The following AVEN variants were observed in gnomAD, a reference collection of about 807,000 sequenced individuals.
AVEN encodes the protein cell death regulator Aven.
Under a neutral mutation model 38.1 loss-of-function variants are expected in AVEN, and 41 were observed. The observed-to-expected ratio is 1.08, with a 90% CI of 0.84 to 1.40. The LOEUF is 1.40. Ranked by LOEUF, AVEN falls within the 40% of genes most tolerant of loss-of-function variation. AVEN has a pLI of 0.00. For synonymous variants in AVEN, 206 were observed against 171.8 expected, an observed-to-expected ratio of 1.20 and a Z score of -1.56; for missense variants, 605 against 438.8, an observed-to-expected ratio of 1.38 and a Z score of -3.38.
At position 34,038,649 on chromosome 15, in the gene AVEN, C is replaced by CGCGCAG. The variant is rs555781217; in HGVS notation, c.267+125_267+130dup. 350 of 845,566 alleles carry CGCGCAG rather than the reference C, an allele frequency of 4.1e-4. 9 individuals carry two copies. The South Asian group carries it at 0.017, about 40-fold the overall frequency. The allele number at this position is 845,566 out of a possible 1,614,324, so 52.4% of individuals were successfully genotyped here. Reference sequence around the variant, plus strand: ...CCCCCGCGCCACCATCCGCCCGTCCCGCGCAGGCGCCGGCGCCGCCGCCCG... The same window carrying CGCGCAG: ...CCCCCGCGCCACCATCCGCCCGTCCCGCGCAGGCGCAGGCGCCGGCGCCGCCGCCCG... On this transcript the variant is annotated intron_variant, in intron 1 of 5. Coordinates refer to ENST00000306730, the MANE Select transcript of AVEN (RefSeq NM_020371.3).
chr15:33,959,761 A>G (rs1440104418), intron 2 of AVEN, among the ~76,000 whole-genome samples: 1 of 136,240 alleles, frequency 7.3e-6, no homozygotes, highest in African/African-American at 3.4e-5. Flanking sequence ...TCTACCCTGG[A>G]GAAACGTTTA....
the AVEN span, chr15:33,853,097 G>C: frequency 5.1e-6 from 8 of 1,583,658 alleles, no homozygotes. Flanking sequence ...GGTATGCCTT[G>C]TTAGTGGGGG....
chr15:33,975,443 G>A (rs1426835093), intron 2 of AVEN, among the ~76,000 whole-genome samples: 2 of 152,156 alleles, frequency 1.3e-5, no homozygotes, highest in Non-Finnish European at 2.9e-5. Context: ...TAAGACCTAG[G>A]ATTCAAATAA....
intron 1 of AVEN, among the ~76,000 whole-genome samples, chr15:34,030,622 C>T (rs138640913): frequency 1.3e-5 from 2 of 151,822 alleles, no homozygotes; most frequent in South Asian, 4.2e-4. Flanking sequence ...GCCACCACGC[C>T]CAGCCTGGTT....
intron 2 of AVEN, among the ~76,000 whole-genome samples, chr15:33,971,636 A>T (rs115142526): frequency 6.6e-6 from 1 of 152,156 alleles, no homozygotes; most frequent in Non-Finnish European, 1.5e-5. Flanking sequence ...TTAAAGGGAC[A>T]TTGCATAATA....
rs1001348059 is a variant in AVEN, at chr15:33,905,479, C to A, written c.446-29484G>T. ...AGTCCAGCCCTCACAATCTGCCTAT[C>A]CCTCAATGCCAAACCAAACTAATCT... On this transcript the variant is annotated intron_variant, in intron 2 of 5. Transcript: ENST00000306730. Among the ~76,000 whole-genome samples the A allele has an allele frequency of 4.6e-5, 7 of 152,334 alleles. No homozygotes were observed. In the East Asian group the frequency reaches 1.3e-3, roughly 29 times the overall value.
Position 33,871,000 on chromosome 15 carries a change from A to ATAAC in AVEN, c.543_546dup (p.Leu183ValfsTer39). The ATAAC allele has an allele frequency of 2.5e-6, 4 of 1,606,790 alleles. No individual in the cohort carries two copies. Among genetic ancestry groups the ATAAC allele is most frequent in the Non-Finnish European group, 3.4e-6 (4 of 1,175,638 alleles). On this transcript the variant is annotated frameshift_variant, in exon 4 of 6. Transcript: ENST00000306730. LOFTEE classifies it high-confidence loss of function. ...GGCAGCTCTTGAAGGGCTCGAACCA[A>ATAAC]TAACTCACTATCCACATAAAATGCT... is the stretch of plus-strand genomic sequence containing the variant.
intron 2 of AVEN, among the ~76,000 whole-genome samples, chr15:33,949,606 C>G (rs775091726): frequency 6.6e-6 from 1 of 152,022 alleles, no homozygotes; most frequent in African/African-American, 2.4e-5. Context: ...CAAATGGACA[C>G]GAGGTTTCTT....
intron 2 of AVEN, among the ~76,000 whole-genome samples, chr15:33,926,076 T>G (rs1348889653): frequency 6.6e-6 from 1 of 152,164 alleles, no homozygotes; most frequent in Admixed American, 6.5e-5. Flanking sequence ...CAGGGGAACA[T>G]TACCAAATCA....
chr15:34,014,381 AAAACAAAAAC>A (rs1423252914), intron 1 of AVEN, among the ~76,000 whole-genome samples: 2,353 of 116,928 alleles, frequency 0.02, 164 homozygotes, highest in South Asian at 0.03. Context: ...AAAAAAAAAA[AAAACAAAAAC>A]AAAAACCACG....
At chr15:33,905,590 C>T (rs117672439) in intron 2 of AVEN, among the ~76,000 whole-genome samples, 4,971 of 152,230 alleles carry the variant, frequency 0.033, 160 homozygotes, top group Non-Finnish European at 0.039. Flanking sequence ...TTTGGGAGGC[C>T]GAGGTGGGCC....
intron 2 of AVEN, among the ~76,000 whole-genome samples, chr15:33,925,949 T>C (rs1893589359): frequency 1.3e-5 from 2 of 152,246 alleles, no homozygotes; most frequent in South Asian, 4.1e-4. Context: ...CTCTTAATTA[T>C]GCCTTCTCCG....
At chr15:33,952,308 A>G (rs1894782326) in intron 2 of AVEN, among the ~76,000 whole-genome samples, 1 of 152,214 alleles carries the variant, frequency 6.6e-6, no homozygotes, top group African/African-American at 2.4e-5. Flanking sequence ...GCATTAGCAA[A>G]GAGAGCAATA....
At chr15:33,990,381 G>GA (rs907528236) in intron 2 of AVEN, among the ~76,000 whole-genome samples, 11 of 147,024 alleles carry the variant, frequency 7.5e-5, no homozygotes, top group East Asian at 5.9e-4. Flanking sequence ...GACCCTGTCT[G>GA]AAAAAAAAAA....
chr15:33,871,955 T>G (rs544748220), intron 3 of AVEN, among the ~76,000 whole-genome samples: 1 of 152,306 alleles, frequency 6.6e-6, no homozygotes, highest in East Asian at 1.9e-4. Context: ...AATCAGCATT[T>G]TGTACATGTT....
chr15:34,064,333 C>T, intron 4 of AVEN: 1 of 1,597,124 alleles, frequency 6.3e-7, no homozygotes, highest in Non-Finnish European at 8.5e-7. Context: ...AACAACTCCT[C>T]TCGAAAGAAC....
intron 1 of AVEN, among the ~76,000 whole-genome samples, chr15:34,023,536 A>G (rs1331963647): frequency 2.6e-5 from 4 of 152,152 alleles, no homozygotes; most frequent in Admixed American, 2.6e-4. Flanking sequence ...CATTCTTGCA[A>G]AACCTGAGAT....
chr15:33,862,407 G>A (rs1018855222), downstream of AVEN, among the ~76,000 whole-genome samples: 3 of 151,234 alleles, frequency 2.0e-5, no homozygotes, highest in African/African-American at 4.9e-5. Flanking sequence ...GGGCTTTGCT[G>A]TATTGCCCAG....
chr15:33,903,392 G>C lies in AVEN; in HGVS notation c.446-27397C>G, dbSNP rs1359822955. On this transcript the variant is annotated intron_variant, in intron 2 of 5. Coordinates refer to ENST00000306730, the MANE Select transcript of AVEN (RefSeq NM_020371.3). ...AGGCCCTATACTAGCCTTCCTTCTA[G>C]TTTTTGAACACAGTCCCTGGGCGCT... is the stretch of plus-strand genomic sequence containing the variant. Among the ~76,000 whole-genome samples the C allele has an allele frequency of 2.6e-5, 4 of 152,188 alleles. No individual in the cohort carries two copies. In the East Asian group the frequency reaches 7.7e-4, roughly 29 times the overall value.
Sources: gnomAD v4.1 joint callset for allele counts (sites outside exome capture counted in the v4.1 genomes callset) on GRCh38, gnomAD v4.1.1 for gene constraint, MANE v1.5 for transcripts, NCBI Gene and HGNC (gene_info 2026-07-23, HGNC 2026-07-21) for gene names.